RBM19: variants seen among roughly 807,000 people sequenced by gnomAD.
RBM19 encodes probable RNA-binding protein 19.
In RBM19, 94 loss-of-function variants were observed where a neutral mutation model predicts 116.8. That is an observed-to-expected ratio of 0.80 (90% CI 0.68 to 0.95). The LOEUF is 0.95. Among genes scored for constraint, RBM19 ranks in the 40% least tolerant of loss-of-function variants. The probability of loss-of-function intolerance (pLI) is 0.00; values close to 1 mark genes in which losing one functional copy is unlikely to be tolerated. For missense variants in RBM19, 1,161 were observed against 1,220.7 expected (o/e 0.95, Z 0.73); for synonymous variants, 475 against 494.1 (o/e 0.96, Z 0.51).
At chr12:113,856,616 C>T (rs1344111294) in intron 22 of RBM19, among the ~76,000 whole-genome samples, 1 of 152,224 alleles carries the variant, frequency 6.6e-6, no homozygotes, top group Non-Finnish European at 1.5e-5. Context: ...GTGAGCGTTT[C>T]CTGGAGGTGC....
At position 113,825,026 on chromosome 12, in the gene RBM19, A is replaced by G. The variant is rs1028498448; in HGVS notation, c.2786-1705T>C. Among the ~76,000 whole-genome samples, 11 of 151,952 alleles carry G rather than the reference A, an allele frequency of 7.2e-5. No homozygotes were observed. The highest frequency in any genetic ancestry group is 5.9e-5 in the Non-Finnish European group (4 of 67,990). On this transcript the variant is annotated intron_variant, in intron 23 of 23. Transcript: ENST00000261741. The surrounding 1 kb of genome is among the most constrained non-coding windows in gnomAD (Gnocchi z 5.7). ...CCTCTCCCTCTACCTCTGAGCTCCA[A>G]TGCCACCCCACCCCCTGGCACTTTT...
chr12:113,906,869 AT>A (rs1335617120), intron 21 of RBM19, among the ~76,000 whole-genome samples: 1 of 152,098 alleles, frequency 6.6e-6, no homozygotes, highest in Non-Finnish European at 1.5e-5. Flanking sequence ...ATGGGGTCAT[AT>A]GGATTAGTGT....
At chr12:113,819,030 C>T (rs765713635), downstream of RBM19, among the ~76,000 whole-genome samples, 16 of 152,338 alleles carry the variant, frequency 1.1e-4, no homozygotes, top group Middle Eastern at 3.4e-3. Flanking sequence ...GCCTTCCAGG[C>T]GCCCGCTAGT....
chr12:113,912,241 C>T (rs1312122247), intron 21 of RBM19, among the ~76,000 whole-genome samples: 3 of 152,222 alleles, frequency 2.0e-5, no homozygotes, highest in African/African-American at 7.2e-5. Context: ...CTCTCCGGAG[C>T]CCTGCACTCT....
chr12:113,889,378 T>C (rs1457887785), intron 21 of RBM19, among the ~76,000 whole-genome samples: 1 of 152,158 alleles, frequency 6.6e-6, no homozygotes, highest in Non-Finnish European at 1.5e-5. Flanking sequence ...CCCACAGGAA[T>C]GTGGGAGCTG....
intron 6 of RBM19, among the ~76,000 whole-genome samples, chr12:113,955,425 T>A (rs1871846923): frequency 6.6e-6 from 1 of 152,052 alleles, no homozygotes; most frequent in Non-Finnish European, 1.5e-5. Flanking sequence ...AGACGAGGGC[T>A]GGAACCAGAG....
At chr12:113,837,670 T>C (rs947420045) in intron 23 of RBM19, among the ~76,000 whole-genome samples, 1 of 152,236 alleles carries the variant, frequency 6.6e-6, no homozygotes, top group African/African-American at 2.4e-5. Context: ...TCAGATCAGC[T>C]GATACAAATA....
At chr12:113,946,723 C>T (rs1220834791) in intron 11 of RBM19, among the ~76,000 whole-genome samples, 2 of 152,314 alleles carry the variant, frequency 1.3e-5, no homozygotes, top group Non-Finnish European at 2.9e-5. Context: ...ACCCCGCACC[C>T]GCAGCCCTCT....
Position 113,948,979 on chromosome 12 carries a change from G to A in RBM19, c.1130C>T (p.Pro377Leu). 6.2e-7 allele frequency: 1 copy of A among 1,614,182 alleles called. No homozygotes were observed. The highest frequency in any genetic ancestry group is 8.5e-7 in the Non-Finnish European group (1 of 1,180,020). ...EKNVPTTKGA[P>L]KNTTKSWQGR... is the part of the protein sequence containing the mutation. Reference sequence around the variant, plus strand: ...TTGCCAGGATTTGGTGGTATTCTTTGGTGCACCCTTGGTGGTGGGGACGTT... The same window carrying A: ...TTGCCAGGATTTGGTGGTATTCTTTAGTGCACCCTTGGTGGTGGGGACGTT... Residue 377 changes from proline to leucine, a missense_variant, in exon 10 of 24, where the codon CCA becomes CTA. Coordinates refer to ENST00000261741, the MANE Select transcript of RBM19 (RefSeq NM_016196.4).
chr12:113,823,730 G>C (rs1874620541), intron 23 of RBM19, among the ~76,000 whole-genome samples: 1 of 152,094 alleles, frequency 6.6e-6, no homozygotes, highest in Admixed American at 6.5e-5. Flanking sequence ...AAGAGAGAAA[G>C]GGTCTCCTGT....
intron 10 of RBM19, 53 bp from the exon 11 acceptor site, chr12:113,947,517 G>C: frequency 6.5e-7 from 1 of 1,545,408 alleles, no homozygotes; most frequent in Non-Finnish European, 8.8e-7. Flanking sequence ...CTTGGCCCCA[G>C]GGAAGAATGT....
At chr12:113,893,189 A>G in intron 21 of RBM19, among the ~76,000 whole-genome samples, 1 of 151,886 alleles carries the variant, frequency 6.6e-6, no homozygotes, top group East Asian at 1.9e-4. Context: ...ATGCCACCAT[A>G]CCTGTCTAAT....
intron 14 of RBM19, among the ~76,000 whole-genome samples, chr12:113,941,072 TAA>T (rs1444091564): frequency 6.6e-6 from 1 of 152,224 alleles, no homozygotes. Context: ...TATCTGGGAA[TAA>T]GTCTTAGCTC....
Position 113,822,909 on chromosome 12 carries a change from T to C in RBM19, c.*315A>G. The C allele has an allele frequency of 3.8e-6, 1 of 266,034 alleles. No individual in the cohort carries two copies. The highest frequency in any genetic ancestry group is 7.1e-6 in the Non-Finnish European group (1 of 140,434). The allele number at this position is 266,034 out of a possible 1,614,324, so 16.5% of individuals were successfully genotyped here. ...GGACAGGGGGAGCAGGGGTTCTAGC[T>C]CCCTGTGTAGCTGTTCCCAAGTCTC... On this transcript the variant is annotated 3_prime_UTR_variant, in exon 24 of 24. Transcript: ENST00000261741.
intron 21 of RBM19, among the ~76,000 whole-genome samples, chr12:113,911,184 G>A (rs1882403920): frequency 6.6e-6 from 1 of 152,166 alleles, no homozygotes; most frequent in South Asian, 2.1e-4. Context: ...GTGGTGGGGT[G>A]AGAAGTTTGT....
rs368585240 is a variant in RBM19 at position 113,942,384 on chromosome 12, G to A, written c.1677C>T (p.Leu559=). 10 of 1,609,508 alleles carry A rather than the reference G, an allele frequency of 6.2e-6. No individual in the cohort carries two copies. Among genetic ancestry groups the A allele is most frequent in the African/African-American group, 1.3e-5 (1 of 74,868 alleles). ...TGAGAAAACGCCGCACTTCCTGGACGAGCTGGGTTTCCCCCAGAGCCACGC... is the reference window on the plus strand; with the variant it reads ...TGAGAAAACGCCGCACTTCCTGGACAAGCTGGGTTTCCCCCAGAGCCACGC... The part of the protein sequence containing the change: ...AVRVALGETQ[L]VQEVRRFLID... Residue 559 remains leucine, a synonymous_variant, in exon 14 of 24, where the codon CTC becomes CTT. Transcript: ENST00000261741.
chr12:113,853,930 T>C (rs772993381), intron 22 of RBM19, among the ~76,000 whole-genome samples: 12 of 152,164 alleles, frequency 7.9e-5, no homozygotes, highest in Non-Finnish European at 1.6e-4. Context: ...TCCCTCTAAT[T>C]GGAGAGTCCT....
At chr12:113,945,213 T>A (rs975132361) in intron 13 of RBM19, among the ~76,000 whole-genome samples, 1 of 152,176 alleles carries the variant, frequency 6.6e-6, no homozygotes, top group Non-Finnish European at 1.5e-5. Context: ...TATCAAAACA[T>A]CATGTTGATT....
chr12:113,820,411 A>G (rs1246642034), downstream of RBM19, among the ~76,000 whole-genome samples: 1 of 152,100 alleles, frequency 6.6e-6, no homozygotes, highest in Non-Finnish European at 1.5e-5. Flanking sequence ...GGCAGAGGGA[A>G]GAGGCAGCTC....
Sources: gnomAD v4.1 joint callset for allele counts (sites outside exome capture counted in the v4.1 genomes callset) on GRCh38, gnomAD v4.1.1 for gene constraint, Gnocchi (gnomAD v3.1) non-coding constraint, MANE v1.5 for transcripts, NCBI Gene and HGNC (gene_info 2026-07-23, HGNC 2026-07-21) for gene names.